Variants in OTUD7A observed in about 807,000 individuals in gnomAD.
The protein encoded by OTUD7A is OTU domain-containing protein 7A.
In OTUD7A, 12 loss-of-function variants were observed where a neutral mutation model predicts 65.7. The ratio of observed to expected loss-of-function variants is 0.18; its 90% confidence interval spans 0.12 to 0.30. OTUD7A has a LOEUF of 0.30. Ranked by LOEUF, OTUD7A falls within the 10% of genes least tolerant of loss-of-function variation. OTUD7A has a pLI of 1.00. For missense variants in OTUD7A, 1,148 were observed against 1,304.8 expected, an observed-to-expected ratio of 0.88 and a Z score of 1.85; for synonymous variants, 641 against 586.3, an observed-to-expected ratio of 1.09 and a Z score of -1.35.
chr15:31,837,865 CT>C (rs1897093965), intron 1 of OTUD7A, among the ~76,000 whole-genome samples: 1 of 152,128 alleles, frequency 6.6e-6, no homozygotes, highest in Non-Finnish European at 1.5e-5. Flanking sequence ...ATCATTATAC[CT>C]GATTTTAAGG....
intron 1 of OTUD7A, among the ~76,000 whole-genome samples, chr15:31,751,095 G>A (rs1199244470): frequency 6.6e-6 from 1 of 152,112 alleles, no homozygotes; most frequent in Non-Finnish European, 1.5e-5. Context: ...TTAAACTACA[G>A]AGCTTCTGCA....
At chr15:31,861,339 G>A (rs770295319) in intron 1 of OTUD7A, among the ~76,000 whole-genome samples, 1 of 152,176 alleles carries the variant, frequency 6.6e-6, no homozygotes, top group Non-Finnish European at 1.5e-5. Flanking sequence ...AGAGTCTAAT[G>A]TGAATGCAAC....
At chr15:31,676,799 A>C (rs1351393194) in intron 1 of OTUD7A, among the ~76,000 whole-genome samples, 1 of 152,270 alleles carries the variant, frequency 6.6e-6, no homozygotes, top group Non-Finnish European at 1.5e-5. Context: ...TTATAAAATA[A>C]GTTGGAAACC....
intron 3 of OTUD7A, among the ~76,000 whole-genome samples, chr15:31,628,396 T>A (rs1472859466): frequency 6.6e-6 from 1 of 152,218 alleles, no homozygotes; most frequent in Non-Finnish European, 1.5e-5. Flanking sequence ...GAAGATCAGA[T>A]GGTTGTAGAT....
At chr15:31,852,567 T>C (rs1036485826) in intron 1 of OTUD7A, among the ~76,000 whole-genome samples, 2 of 152,236 alleles carry the variant, frequency 1.3e-5, no homozygotes, top group African/African-American at 2.4e-5. Flanking sequence ...ACCTTCAACT[T>C]GATCTGATAA....
intron 3 of OTUD7A, among the ~76,000 whole-genome samples, chr15:31,575,959 C>T (rs1405789524): frequency 2.0e-5 from 3 of 152,066 alleles, no homozygotes; most frequent in African/African-American, 4.8e-5. Context: ...ATTCCATACA[C>T]AATTGCAACT....
At chr15:31,511,736 C>CACATATATATGTATATCTATATGTAACAT (rs1566893943) in intron 8 of OTUD7A, among the ~76,000 whole-genome samples, 1,603 of 39,406 alleles carry the variant, frequency 0.041, 690 homozygotes, top group East Asian at 0.063. Context: ...ATATGTAACA[C>CACATATATATGTATATCTATATGTAACAT]ACATATATAT....
At chr15:31,633,523 C>G (rs11637136) in intron 3 of OTUD7A, among the ~76,000 whole-genome samples, 21 of 152,308 alleles carry the variant, frequency 1.4e-4, no homozygotes, top group Admixed American at 3.3e-4. Context: ...GTCTCCACCT[C>G]TTCCCAGGCC....
At chr15:31,826,648 A>G (rs62002735) in intron 1 of OTUD7A, among the ~76,000 whole-genome samples, 3 of 152,314 alleles carry the variant, frequency 2.0e-5, no homozygotes, top group Non-Finnish European at 4.4e-5. Context: ...TCCTAGGAAA[A>G]TAGGATTTTC....
chr15:31,826,764 C>T (rs1896807749), intron 1 of OTUD7A, among the ~76,000 whole-genome samples: 1 of 152,202 alleles, frequency 6.6e-6, no homozygotes, highest in Non-Finnish European at 1.5e-5. Flanking sequence ...GAATGCTTTG[C>T]TGCTTAGAAA....
chr15:31,526,580 G>T, intron 7 of OTUD7A, 119 bp from the exon 8 acceptor site: 1 of 721,458 alleles, frequency 1.4e-6, no homozygotes, highest in Non-Finnish European at 2.2e-6. Flanking sequence ...TCTGTAGGTA[G>T]CTACCAACTA....
At chr15:31,819,947 C>A (rs10450985) in intron 1 of OTUD7A, among the ~76,000 whole-genome samples, 3,432 of 152,142 alleles carry the variant, frequency 0.023, 132 homozygotes, top group African/African-American at 0.079. Flanking sequence ...TAGTCCCTCA[C>A]CTCCACACTG....
chr15:31,673,297 GA>G (rs1892526008), intron 1 of OTUD7A, among the ~76,000 whole-genome samples: 1 of 152,156 alleles, frequency 6.6e-6, no homozygotes, highest in Non-Finnish European at 1.5e-5. Context: ...TATCCACAAG[GA>G]ATAATAATCA....
intron 1 of OTUD7A, among the ~76,000 whole-genome samples, chr15:31,839,455 A>C (rs1897133010): frequency 6.6e-6 from 1 of 152,334 alleles, no homozygotes; most frequent in East Asian, 1.9e-4. Flanking sequence ...ATGAGGGCTC[A>C]CAACAATCTT....
intron 8 of OTUD7A, among the ~76,000 whole-genome samples, chr15:31,523,821 T>A (rs1390134525): frequency 2.0e-5 from 3 of 152,262 alleles, no homozygotes; most frequent in African/African-American, 7.2e-5. Flanking sequence ...GCAACTGTGC[T>A]TGTGCACAAA....
chr15:31,829,148 C>G (rs534583147), intron 1 of OTUD7A, among the ~76,000 whole-genome samples: 34 of 152,320 alleles, frequency 2.2e-4, no homozygotes, highest in African/African-American at 7.9e-4. Flanking sequence ...GGGGCAGTAG[C>G]GGAAGCGCCC....
chr15:31,568,727 G>C (rs1039087534), intron 4 of OTUD7A, among the ~76,000 whole-genome samples: 1 of 152,214 alleles, frequency 6.6e-6, no homozygotes, highest in Non-Finnish European at 1.5e-5. Flanking sequence ...CCTCATGAAT[G>C]GCTCGGGCCA....
chr15:31,534,890 G>C (rs1451257067), intron 5 of OTUD7A, among the ~76,000 whole-genome samples: 1 of 152,102 alleles, frequency 6.6e-6, no homozygotes, highest in Non-Finnish European at 1.5e-5. Flanking sequence ...TGCATCCTGT[G>C]AATACTGTAA....
intron 8 of OTUD7A, among the ~76,000 whole-genome samples, chr15:31,518,158 T>C (rs79065712): frequency 6.6e-6 from 1 of 152,098 alleles, no homozygotes; most frequent in African/African-American, 2.4e-5. Flanking sequence ...GTGTTGGTTT[T>C]TGGTGTACCC....
Sources: gnomAD v4.1 joint callset for allele counts (sites outside exome capture counted in the v4.1 genomes callset) on GRCh38, gnomAD v4.1.1 for gene constraint, MANE v1.5 for transcripts, NCBI Gene and HGNC (gene_info 2026-07-23, HGNC 2026-07-21) for gene names.